The following ZNF233 variants were observed in gnomAD, a reference collection of about 807,000 sequenced individuals.
ZNF233 encodes the protein zinc finger protein 233.
ZNF233 carries 7 observed loss-of-function variants against 11.6 expected under a neutral mutation model. That is an observed-to-expected ratio of 0.60 (90% CI 0.34 to 1.13). The LOEUF (loss-of-function observed/expected upper bound fraction) is 1.13, where lower values mean the gene tolerates loss of function less well. Ranked by LOEUF, ZNF233 falls within the 50% of genes most tolerant of loss-of-function variation. The pLI is 0.03. For missense variants in ZNF233, 711 were observed against 785.5 expected, an observed-to-expected ratio of 0.91 and a Z score of 1.13; for synonymous variants, 226 against 268.5, an observed-to-expected ratio of 0.84 and a Z score of 1.55.
In ZNF233 at chr19:44,266,754, T is replaced by G. The variant is rs1975095259; in HGVS notation, c.143-112T>G. On this transcript the variant is annotated intron_variant, in intron 3 of 4. Transcript: ENST00000683810. ...TAAAAGGTATTCAGACAATAGCTCA[T>G]GATCACAATTTTGAAAAATACTACT... The G allele has an allele frequency of 4.4e-6, 3 of 689,262 alleles. No homozygotes were observed. The East Asian group carries it at 7.7e-5, about 18-fold the overall frequency. The allele number at this position is 689,262 out of a possible 1,614,324, so 42.7% of individuals were successfully genotyped here. A position where few individuals can be genotyped will look rare whatever the true frequency, so the allele number is the denominator to read the frequency against.
Position 44,273,560 on chromosome 19 carries a change from G to A in ZNF233, c.900G>A (p.Gly300=), listed in dbSNP as rs1429897354. The A allele has an allele frequency of 6.2e-7, 1 of 1,614,070 alleles. No individual in the cohort carries two copies. The highest frequency in any genetic ancestry group is 1.3e-5 in the African/African-American group (1 of 74,922). The part of the protein sequence containing the change: ...EYGKGIGYSS[G]LPRHQCFHIG... The stretch of plus-strand genomic sequence containing the variant: ...GGAAGGGCATAGGTTACAGCTCAGG[G>A]CTTCCCAGGCATCAGTGTTTCCACA... The change falls in exon 5 of 5, where the codon GGG becomes GGA. Residue 300 remains glycine (G), a synonymous_variant. Coordinates refer to ENST00000683810, the MANE Select transcript of ZNF233 (RefSeq NM_001207005.2).
intron 4 of ZNF233, among the ~76,000 whole-genome samples, chr19:44,271,406 T>G (rs960639044): frequency 2.6e-5 from 4 of 152,228 alleles, no homozygotes; most frequent in Admixed American, 6.5e-5. Flanking sequence ...ATTTTTGGGC[T>G]TTATCATATA....
intron 1 of ZNF233, among the ~76,000 whole-genome samples, chr19:44,261,648 CT>C (rs910276344): frequency 0.012 from 1,562 of 128,244 alleles, 8 homozygotes; most frequent in African/African-American, 0.039. Context: ...AATGATTTCA[CT>C]TTTTTTTTTT....
intron 2 of ZNF233, 50 bp downstream of exon 2, chr19:44,264,425 AAAGAT>A: frequency 1.3e-6 from 2 of 1,562,908 alleles, no homozygotes; most frequent in Non-Finnish European, 8.7e-7. Context: ...TCTTTTCCTC[AAAGAT>A]TAGACACTTT....
chr19:44,274,026 G>A lies in ZNF233; in HGVS notation c.1366G>A (p.Val456Ile). 1 of 1,597,788 alleles carries A rather than the reference G, an allele frequency of 6.3e-7. No homozygotes were observed. The highest frequency in any genetic ancestry group is 1.1e-5 in the South Asian group (1 of 91,034). ...TGGAGAGAAACCATATAAATGTGAG[G>A]TATGTGATAAGGGCTTCAGTAAGGC... Reference protein sequence around the residue: ...HTGEKPYKCEVCDKGFSKASN... With the variant: ...HTGEKPYKCEICDKGFSKASN... The change falls in exon 5 of 5, where the codon GTA becomes ATA. Residue 456 changes from valine (V) to isoleucine (I), a missense_variant. Val to Ile is a conservative substitution (Grantham distance 29). Transcript: ENST00000683810.
At position 44,271,326 on chromosome 19, in the gene ZNF233, T is replaced by C. The variant is rs574038492; in HGVS notation, c.239-1573T>C. Among the ~76,000 whole-genome samples the C allele has an allele frequency of 7.9e-4, 120 of 152,292 alleles. 1 individual carries two copies. The highest frequency in any genetic ancestry group is 1.4e-3 in the Non-Finnish European group (94 of 68,018). On this transcript the variant is annotated intron_variant, in intron 4 of 4. Coordinates refer to ENST00000683810, the MANE Select transcript of ZNF233 (RefSeq NM_001207005.2). Reference sequence around the variant, plus strand: ...CCAAGGATGTCCCCTCTTTCTTTCTTTGAGAATTCTTGGCATCACTAAATA... The same window carrying C: ...CCAAGGATGTCCCCTCTTTCTTTCTCTGAGAATTCTTGGCATCACTAAATA...
At chr19:44,268,079 A>G (rs1449885494) in intron 4 of ZNF233, 1 of 152,152 alleles carries the variant, frequency 6.6e-6, no homozygotes, top group Non-Finnish European at 1.5e-5. Flanking sequence ...AATTTAAAAA[A>G]TTAGCTCACA....
In ZNF233 at chr19:44,274,052, C is replaced by T; in HGVS notation, c.1392C>T (p.Ala464=). 6.3e-7 allele frequency: 1 copy of T among 1,597,544 alleles called. No homozygotes were observed. Among genetic ancestry groups the T allele is most frequent in the Non-Finnish European group, 8.5e-7 (1 of 1,179,384 alleles). Residue 464 remains alanine (A), a synonymous_variant, in exon 5 of 5, where the codon GCC becomes GCT. Coordinates refer to ENST00000683810, the MANE Select transcript of ZNF233 (RefSeq NM_001207005.2). The stretch of plus-strand genomic sequence containing the variant: ...TATGTGATAAGGGCTTCAGTAAGGC[C>T]TCAAATCTTCAAGCCCATCAGAGAA... The part of the protein sequence containing the change: ...CEVCDKGFSK[A]SNLQAHQRIH...
chr19:44,270,346 TAAAAAAAAA>T (rs398034740), intron 4 of ZNF233, among the ~76,000 whole-genome samples: 2 of 72,730 alleles, frequency 2.7e-5, no homozygotes, highest in East Asian at 3.9e-4. Flanking sequence ...CCATCTATAC[TAAAAAAAAA>T]AAAAAAAAAA....
rs777837579 is a variant in ZNF233, at chr19:44,271,512, A to AT, written c.239-1372dup. Among the ~76,000 whole-genome samples, 474 of 142,904 alleles carry AT rather than the reference A, an allele frequency of 3.3e-3. 2 individuals are homozygous for AT. The highest frequency in any genetic ancestry group is 7.3e-3 in the East Asian group (36 of 4,916). 93.8% of individuals were successfully genotyped at this position (142,904 alleles called of 152,430 possible). A position where few individuals can be genotyped will look rare whatever the true frequency, so the allele number is the denominator to read the frequency against. On this transcript the variant is annotated intron_variant, in intron 4 of 4. Coordinates refer to ENST00000683810, the MANE Select transcript of ZNF233 (RefSeq NM_001207005.2). ...CATCTGCCACGGAAAAGAGGAGAGGATTTTTTTTTTTTTTTGAGACGGAGT... is the reference window on the plus strand; with the variant it reads ...CATCTGCCACGGAAAAGAGGAGAGGATTTTTTTTTTTTTTTTGAGACGGAGT...
In ZNF233 at chr19:44,274,449, T is replaced by C. The variant is rs774382974; in HGVS notation, c.1789T>C (p.Cys597Arg). Residue 597 changes from cysteine (C) to arginine (R), a missense_variant, in exon 5 of 5, where the codon TGT (cysteine) becomes CGT (arginine). By Grantham distance (180) the Cys-to-Arg change is radical (BLOSUM62 -3). Coordinates refer to ENST00000683810, the MANE Select transcript of ZNF233 (RefSeq NM_001207005.2). Reference sequence around the variant, plus strand: ...AGAGAAACCATACAAATGTGAAGAATGTAGGAAAGGCTTCATCTGGAACTC... The same window carrying C: ...AGAGAAACCATACAAATGTGAAGAACGTAGGAAAGGCTTCATCTGGAACTC... Reference protein sequence around the residue: ...TGEKPYKCEECRKGFIWNSYL... With the variant: ...TGEKPYKCEERRKGFIWNSYL... 3.7e-6 allele frequency: 6 copies of C among 1,613,974 alleles called. No individual in the cohort carries two copies. Among genetic ancestry groups the C allele is most frequent in the Admixed American group, 1.7e-5 (1 of 59,994 alleles).
intron 2 of ZNF233, among the ~76,000 whole-genome samples, chr19:44,264,886 GTC>G (rs894571509): frequency 3.3e-5 from 5 of 152,116 alleles, no homozygotes; most frequent in South Asian, 2.1e-4. Context: ...ACACAATGCT[GTC>G]TCTAAATAGT....
At chr19:44,272,679 G>A (rs1052316730) in intron 4 of ZNF233, among the ~76,000 whole-genome samples, 4 of 151,942 alleles carry the variant, frequency 2.6e-5, no homozygotes, top group Admixed American at 1.3e-4. Context: ...AGCTTGCAGT[G>A]AGCCAAGAGC....
intron 1 of ZNF233, chr19:44,260,150 A>G (rs1342012579): frequency 4.1e-6 from 1 of 241,566 alleles, no homozygotes; most frequent in East Asian, 1.5e-4. Flanking sequence ...CGGGCGCTCA[A>G]GTTCCCTCGC....
At chr19:44,272,806 C>T (rs1407641756) in intron 4 of ZNF233, 93 bp from the exon 5 acceptor site, 3 of 870,144 alleles carry the variant, frequency 3.4e-6, no homozygotes, top group African/African-American at 1.7e-5. Flanking sequence ...ATTAAGGTTT[C>T]CCAATGTGGT....
Position 44,273,335 on chromosome 19 carries a change from T to C in ZNF233, c.675T>C (p.His225=), listed in dbSNP as rs2123068671. The change falls in exon 5 of 5, where the codon CAT becomes CAC. Residue 225 remains histidine, a synonymous_variant. Coordinates refer to ENST00000683810, the MANE Select transcript of ZNF233 (RefSeq NM_001207005.2). ...GAATTGCTCATCAACATGATGATCA[T>C]GGAGTACACAAAAGAGAGAAAGCTT... ...RQRIAHQHDD[H]GVHKREKAFS... 2 of 1,614,142 alleles carry C rather than the reference T, an allele frequency of 1.2e-6. No homozygotes were observed. Among genetic ancestry groups the C allele is most frequent in the East Asian group, 2.2e-5 (1 of 44,880 alleles).
intron 2 of ZNF233, among the ~76,000 whole-genome samples, chr19:44,265,922 G>A (rs1471277512): frequency 6.6e-6 from 1 of 152,184 alleles, no homozygotes; most frequent in Non-Finnish European, 1.5e-5. Context: ...AAGATTTACA[G>A]TGCTGGGGCA....
chr19:44,266,601 T>G (rs1975090985), intron 3 of ZNF233, among the ~76,000 whole-genome samples: 1 of 152,144 alleles, frequency 6.6e-6, no homozygotes, highest in African/African-American at 2.4e-5. Flanking sequence ...CTGCATTCAG[T>G]GCAACGAAAA....
At chr19:44,267,256 C>T (rs1044186914) in intron 4 of ZNF233, 45 of 407,338 alleles carry the variant, frequency 1.1e-4, no homozygotes, top group Non-Finnish European at 1.4e-4. Flanking sequence ...CCTGGTCACC[C>T]ACTCCCTGTG....
Sources: gnomAD v4.1 joint callset for allele counts (sites outside exome capture counted in the v4.1 genomes callset) on GRCh38, gnomAD v4.1.1 for gene constraint, MANE v1.5 for transcripts, NCBI Gene and HGNC (gene_info 2026-07-23, HGNC 2026-07-21) for gene names.